PTPRD: variants seen among roughly 807,000 people sequenced by gnomAD.
PTPRD encodes receptor-type tyrosine-protein phosphatase delta.
Under a neutral mutation model 214.5 loss-of-function variants are expected in PTPRD, and 34 were observed. That is an observed-to-expected ratio of 0.16 (90% confidence interval 0.12 to 0.21). PTPRD has a LOEUF of 0.21. Ranked by LOEUF, PTPRD falls within the 10% of genes least tolerant of loss-of-function variation. The pLI is 1.00. For synonymous variants in PTPRD, 1,128 were observed against 845.7 expected (o/e 1.33, Z -5.79); for missense variants, 2,545 against 2,398.7 (o/e 1.06, Z -1.27).
intron 8 of PTPRD, among the ~76,000 whole-genome samples, chr9:9,485,690 T>C (rs1286801374): frequency 1.3e-5 from 2 of 152,200 alleles, no homozygotes; most frequent in Admixed American, 6.5e-5. Flanking sequence ...TTTCCTCTTC[T>C]AAAGTATTGC....
At chr9:9,435,318 C>T in intron 8 of PTPRD, among the ~76,000 whole-genome samples, 1 of 151,782 alleles carries the variant, frequency 6.6e-6, no homozygotes. Context: ...TGAGACAAGC[C>T]CAGTCAACAT....
intron 3 of PTPRD, among the ~76,000 whole-genome samples, chr9:10,103,395 T>TATATATATATATATATGTATGTA (rs34926923): frequency 8.6e-6 from 1 of 116,698 alleles, no homozygotes; most frequent in Non-Finnish European, 1.8e-5. Flanking sequence ...ATATATATAT[T>TATATATATATATATATGTATGTA]TATTTAAGAG....
intron 12 of PTPRD, among the ~76,000 whole-genome samples, chr9:8,656,546 C>T (rs552168842): frequency 6.6e-6 from 1 of 152,258 alleles, no homozygotes; most frequent in East Asian, 1.9e-4. Flanking sequence ...GTCACACTGG[C>T]ATGGTCAAAT....
intron 8 of PTPRD, among the ~76,000 whole-genome samples, chr9:9,573,044 G>A (rs1203059168): frequency 2.6e-5 from 4 of 151,592 alleles, no homozygotes; most frequent in African/African-American, 9.7e-5. Flanking sequence ...AAAAACACAT[G>A]TTCCTGATAT....
At chr9:10,190,401 A>G (rs1410770851) in intron 3 of PTPRD, among the ~76,000 whole-genome samples, 2 of 57,364 alleles carry the variant, frequency 3.5e-5, no homozygotes, top group African/African-American at 1.1e-4. Context: ...AAAAAAAAAA[A>G]AAAAAAAAAA....
At chr9:9,682,951 A>T (rs1010706859) in intron 7 of PTPRD, among the ~76,000 whole-genome samples, 1 of 151,814 alleles carries the variant, frequency 6.6e-6, no homozygotes, top group Non-Finnish European at 1.5e-5. Flanking sequence ...TTAACTGATG[A>T]ACAAGATATG....
intron 11 of PTPRD, among the ~76,000 whole-genome samples, chr9:8,810,776 G>A (rs2096786263): frequency 6.6e-6 from 1 of 152,178 alleles, no homozygotes; most frequent in Admixed American, 6.6e-5. Flanking sequence ...CTAATAATCA[G>A]GAGAGAGAAA....
At chr9:9,887,988 A>G (rs2071618651) in intron 5 of PTPRD, among the ~76,000 whole-genome samples, 1 of 152,156 alleles carries the variant, frequency 6.6e-6, no homozygotes, top group East Asian at 1.9e-4. Flanking sequence ...CCGAAACAGA[A>G]AATGACACCT....
At chr9:8,808,241 G>T (rs2096726773) in intron 11 of PTPRD, among the ~76,000 whole-genome samples, 1 of 152,158 alleles carries the variant, frequency 6.6e-6, no homozygotes, top group African/African-American at 2.4e-5. Context: ...TTTAGTTAAA[G>T]GGGAATGGTG....
intron 10 of PTPRD, among the ~76,000 whole-genome samples, chr9:9,162,540 G>A (rs2099892028): frequency 6.6e-6 from 1 of 151,994 alleles, no homozygotes; most frequent in Admixed American, 6.6e-5. Context: ...CCATGTATCT[G>A]CAGTCTGAAA....
At chr9:9,373,816 G>C (rs2060129333) in intron 9 of PTPRD, among the ~76,000 whole-genome samples, 1 of 151,968 alleles carries the variant, frequency 6.6e-6, no homozygotes, top group Non-Finnish European at 1.5e-5. Context: ...GAAATCTCTG[G>C]GGACTTTTTT....
chr9:9,631,000 A>T (rs1205122491), intron 7 of PTPRD, among the ~76,000 whole-genome samples: 1 of 152,140 alleles, frequency 6.6e-6, no homozygotes, highest in African/African-American at 2.4e-5. Flanking sequence ...CAATGCCTTT[A>T]ATGAAAGGGG....
chr9:10,199,534 C>G (rs1282730277), intron 3 of PTPRD, among the ~76,000 whole-genome samples: 2 of 151,992 alleles, frequency 1.3e-5, no homozygotes, highest in Non-Finnish European at 2.9e-5. Context: ...CAGTGAGAAC[C>G]CCCTGTGTTT....
chr9:8,890,079 A>T (rs2098525719), intron 11 of PTPRD, among the ~76,000 whole-genome samples: 1 of 152,212 alleles, frequency 6.6e-6, no homozygotes, highest in African/African-American at 2.4e-5. Context: ...TCCCTCCAGT[A>T]GTGTAAAAGT....
At chr9:9,556,180 C>G (rs771212227) in intron 8 of PTPRD, among the ~76,000 whole-genome samples, 6 of 151,834 alleles carry the variant, frequency 4.0e-5, no homozygotes, top group Non-Finnish European at 8.8e-5. Flanking sequence ...TAAAGTAAGC[C>G]AGAGAAAAGA....
At chr9:8,889,771 G>C (rs1373037740) in intron 11 of PTPRD, among the ~76,000 whole-genome samples, 2 of 152,148 alleles carry the variant, frequency 1.3e-5, no homozygotes, top group African/African-American at 2.4e-5. Flanking sequence ...CTCAATCCAG[G>C]TTGCGTGAAT....
At chr9:9,595,028 A>G (rs1354593877) in intron 7 of PTPRD, among the ~76,000 whole-genome samples, 1 of 151,944 alleles carries the variant, frequency 6.6e-6, no homozygotes, top group Non-Finnish European at 1.5e-5. Flanking sequence ...AATCAAAACC[A>G]CAATGCAATA....
At chr9:10,054,086 CTTTG>C (rs1402614772) in intron 3 of PTPRD, among the ~76,000 whole-genome samples, 2 of 152,052 alleles carry the variant, frequency 1.3e-5, no homozygotes, top group South Asian at 2.1e-4. Context: ...CAAATATTTT[CTTTG>C]TTTATTAAAC....
chr9:9,121,028 G>A (rs1299575862), intron 10 of PTPRD, among the ~76,000 whole-genome samples: 1 of 152,074 alleles, frequency 6.6e-6, no homozygotes, highest in Non-Finnish European at 1.5e-5. Flanking sequence ...TGCTTTTAGC[G>A]GTGAGGAAAA....
Sources: allele counts gnomAD v4.1 joint callset (sites outside exome capture counted in the v4.1 genomes callset), GRCh38; gene constraint gnomAD v4.1.1; transcripts MANE v1.5; gene names NCBI Gene and HGNC (gene_info 2026-07-23, HGNC 2026-07-21).